ZNF638: variants seen among roughly 807,000 people sequenced by gnomAD.
ZNF638 encodes CTCL tumor antigen se33-1.
Under a neutral mutation model 195.6 loss-of-function variants are expected in ZNF638, and 46 were observed. That is an observed-to-expected ratio of 0.24 (90% CI 0.19 to 0.30). ZNF638 has a LOEUF of 0.30. Ranked by LOEUF, ZNF638 falls within the 10% of genes least tolerant of loss-of-function variation. ZNF638 has a pLI of 1.00. For missense variants in ZNF638, 2,440 were observed against 2,325.3 expected, an observed-to-expected ratio of 1.05 and a Z score of -1.01; for synonymous variants, 845 against 772.0, an observed-to-expected ratio of 1.09 and a Z score of -1.57.
Position 71,406,200 on chromosome 2 carries a change from C to T in ZNF638, c.3073C>T (p.Leu1025Phe), listed in dbSNP as rs1421901156. Residue 1025 changes from leucine (L) to phenylalanine (F), a missense_variant, in exon 19 of 28, where the codon CTT (leucine) becomes TTT (phenylalanine). By Grantham distance (22) the Leu-to-Phe change is conservative. Coordinates refer to ENST00000264447, the MANE Select transcript of ZNF638 (RefSeq NM_014497.5). ...ACCGGAAGATGGACTTCAGTGTGTA[C>T]TTTGTGTTGGACTTCAGTTTGGAAA... ...NLPEDGLQCV[L>F]CVGLQFGKVD... is the part of the protein sequence containing the mutation. 6.2e-7 allele frequency: 1 copy of T among 1,613,500 alleles called. No homozygotes were observed. Among genetic ancestry groups the T allele is most frequent in the South Asian group, 1.1e-5 (1 of 91,070 alleles).
rs915847089 is a variant in ZNF638 at position 71,423,670 on chromosome 2, G to C, written c.4156G>C (p.Asp1386His). The change falls in exon 22 of 28, where the codon GAT (aspartate) becomes CAT (histidine). Residue 1386 changes from aspartate (D) to histidine (H), a missense_variant. Around this residue, in one of 5 missense-constraint regions of ZNF638, gnomAD observed 1,883 missense variants for 1,739.1 expected, o/e 1.08. Transcript: ENST00000264447. ...TSKTSILAVS[D>H]VSSSKPSIKA... ...TAAAACTAGTATTCTGGCTGTATCA[G>C]ATGTATCTAGCAGTAAACCAAGCAT... The C allele has an allele frequency of 2.5e-6, 4 of 1,613,742 alleles. No individual in the cohort carries two copies. Among genetic ancestry groups the C allele is most frequent in the Non-Finnish European group, 3.4e-6 (4 of 1,180,012 alleles).
chr2:71,376,001 A>G (rs1053292617), intron 8 of ZNF638: 24 of 152,190 alleles, frequency 1.6e-4, no homozygotes, highest in African/African-American at 5.8e-4. Flanking sequence ...TTTCATTCTA[A>G]ACAGTTAACA....
At position 71,406,195 on chromosome 2, in the gene ZNF638, G is replaced by A. The variant is rs747817285; in HGVS notation, c.3068G>A (p.Cys1023Tyr). ...LDNLPEDGLQ[C>Y]VLCVGLQFGK... ...AATTTACCGGAAGATGGACTTCAGT[G>A]TGTACTTTGTGTTGGACTTCAGTTT... Residue 1023 changes from cysteine to tyrosine, a missense_variant, in exon 19 of 28, where the codon TGT (cysteine) becomes TAT (tyrosine). Cys to Tyr is a radical substitution (Grantham distance 194). This residue lies in a region of ZNF638 where 1,883 missense variants were observed against 1,739.1 expected (regional missense o/e 1.08). Transcript: ENST00000264447. 20 of 1,613,502 alleles carry A rather than the reference G, an allele frequency of 1.2e-5. No individual in the cohort carries two copies. The African/African-American group carries it at 2.7e-4, about 22-fold the overall frequency.
chr2:71,409,671 AAG>A (rs1340323815), intron 20 of ZNF638, among the ~76,000 whole-genome samples: 1 of 152,168 alleles, frequency 6.6e-6, no homozygotes, highest in African/African-American at 2.4e-5. Context: ...ATCTTGTTGA[AAG>A]GGGGAAAAAT....
chr2:71,377,708 T>A (rs1175624014), intron 8 of ZNF638, among the ~76,000 whole-genome samples: 1 of 152,186 alleles, frequency 6.6e-6, no homozygotes, highest in African/African-American at 2.4e-5. Flanking sequence ...GAAAAATGAT[T>A]AGAGGAAAGG....
intron 10 of ZNF638, among the ~76,000 whole-genome samples, chr2:71,389,308 A>G (rs1256961222): frequency 6.6e-6 from 1 of 152,242 alleles, no homozygotes; most frequent in Non-Finnish European, 1.5e-5. Flanking sequence ...CAAGATCAGC[A>G]AGGTACTCAG....
At chr2:71,428,420 C>T (rs2080584079) in intron 24 of ZNF638, 127 bp from the exon 25 acceptor site, 1 of 609,834 alleles carries the variant, frequency 1.6e-6, no homozygotes, top group African/African-American at 1.9e-5. Context: ...TAGCAGTAGG[C>T]TTCCCTCCCA....
intron 2 of ZNF638, among the ~76,000 whole-genome samples, chr2:71,351,518 TTGTC>T (rs1184219465): frequency 1.3e-5 from 2 of 152,222 alleles, no homozygotes; most frequent in Admixed American, 1.3e-4. Context: ...AATTGAGTGT[TTGTC>T]TGTATTCTTG....
At chr2:71,390,923 C>T (rs1221669239) in intron 10 of ZNF638, among the ~76,000 whole-genome samples, 4 of 152,148 alleles carry the variant, frequency 2.6e-5, no homozygotes, top group African/African-American at 4.8e-5. Context: ...GGGACGGGAC[C>T]GATTAGCCCA....
rs1466168238 is a variant in ZNF638 at position 71,342,957 on chromosome 2, AC to A, written c.-202-5795del. On this transcript the variant is annotated intron_variant, in intron 1 of 27. Transcript: ENST00000264447. The stretch of plus-strand genomic sequence containing the variant: ...TAATTTACTTTTTATCATTTCCAGT[AC>A]AACTGTCTTACAGTATTTTATCCAA... Among the ~76,000 whole-genome samples the A allele has an allele frequency of 5.3e-5, 8 of 152,312 alleles. No individual in the cohort carries two copies. In the East Asian group the frequency reaches 1.5e-3, roughly 29 times the overall value.
intron 1 of ZNF638, among the ~76,000 whole-genome samples, chr2:71,332,495 G>A (rs2078590416): frequency 6.6e-6 from 1 of 152,204 alleles, no homozygotes; most frequent in South Asian, 2.1e-4. Context: ...CGTAGTGCAG[G>A]TATGAAACCA....
chr2:71,365,974 T>C lies in ZNF638; in HGVS notation c.1995+268T>C, dbSNP rs931974815. ...GTTCAGGCAGTCCTTCCACGTCAGC[T>C]TCCCTAAGTGCATGAGCCACTATGC... On this transcript the variant is annotated intron_variant, in intron 6 of 27. Coordinates refer to ENST00000264447, the MANE Select transcript of ZNF638 (RefSeq NM_014497.5). Among the ~76,000 whole-genome samples, 4 of 152,206 alleles carry C rather than the reference T, an allele frequency of 2.6e-5. No homozygotes were observed. The East Asian group carries it at 7.7e-4, about 29-fold the overall frequency.
chr2:71,393,984 C>G (rs2079842028), intron 10 of ZNF638, among the ~76,000 whole-genome samples: 1 of 152,204 alleles, frequency 6.6e-6, no homozygotes, highest in Non-Finnish European at 1.5e-5. Flanking sequence ...CATTCTTGTG[C>G]CAGTAGCCTC....
chr2:71,427,323 G>A lies in ZNF638; in HGVS notation c.5454G>A (p.Lys1818=), dbSNP rs777671713. 10 of 1,609,882 alleles carry A rather than the reference G, an allele frequency of 6.2e-6. No individual in the cohort carries two copies. In the East Asian group the frequency reaches 1.8e-4, roughly 29 times the overall value. The change falls in exon 24 of 28, where the codon AAG becomes AAA. Residue 1818 remains lysine, a synonymous_variant. Coordinates refer to ENST00000264447, the MANE Select transcript of ZNF638 (RefSeq NM_014497.5). ...NRKKRAVDTK[K]TKLESLSQVG... is the part of the protein sequence containing the mutation. ...AGAAGAGAGCTGTGGACACAAAAAA[G>A]ACAAAACTTGAATCCTTGTCCCAAG...
chr2:71,392,992 G>A (rs889968921), intron 10 of ZNF638, among the ~76,000 whole-genome samples: 1 of 152,118 alleles, frequency 6.6e-6, no homozygotes, highest in African/African-American at 2.4e-5. Context: ...TGCGTTTATG[G>A]GGTGGCCCAC....
intron 11 of ZNF638, among the ~76,000 whole-genome samples, chr2:71,397,517 G>A (rs1290040676): frequency 2.0e-5 from 3 of 152,122 alleles, no homozygotes; most frequent in African/African-American, 4.8e-5. Context: ...ATTTTTAAAA[G>A]TATGATTGTA....
chr2:71,363,595 A>G (rs2079145531), intron 4 of ZNF638, among the ~76,000 whole-genome samples: 1 of 152,232 alleles, frequency 6.6e-6, no homozygotes, highest in South Asian at 2.1e-4. Flanking sequence ...AAAATTATTG[A>G]AAACATCTGT....
chr2:71,365,584 G>A lies in ZNF638; in HGVS notation c.1873G>A (p.Ala625Thr), dbSNP rs202139397. 75 of 1,614,000 alleles carry A rather than the reference G, an allele frequency of 4.6e-5. No individual in the cohort carries two copies. The highest frequency in any genetic ancestry group is 6.7e-5 in the East Asian group (3 of 44,890). Reference sequence around the variant, plus strand: ...AAAACCATCAGTTAAACCTACAAGCGCTACAAAGAGTGATTCAAATCTAGG... The same window carrying A: ...AAAACCATCAGTTAAACCTACAAGCACTACAAAGAGTGATTCAAATCTAGG... ...GTKPSVKPTSATKSDSNLGGH... is the reference protein window; with the variant it reads ...GTKPSVKPTSTTKSDSNLGGH... Residue 625 changes from alanine to threonine, a missense_variant, in exon 6 of 28, where the codon GCT (alanine) becomes ACT (threonine). This residue lies in a region of ZNF638 where 1,883 missense variants were observed against 1,739.1 expected (regional missense o/e 1.08). Transcript: ENST00000264447.
rs140134378 is a variant in ZNF638 at position 71,371,929 on chromosome 2, T to G, written c.2265+1924T>G. Among the ~76,000 whole-genome samples, 1,433 of 152,312 alleles carry G rather than the reference T, an allele frequency of 9.4e-3. 11 individuals are homozygous for G. The highest frequency in any genetic ancestry group is 0.024 in the South Asian group (118 of 4,822). On this transcript the variant is annotated intron_variant, in intron 8 of 27. Transcript: ENST00000264447. ...TTGAAGTGGTCCCATTTGTTCATTT[T>G]TGTACAGCATTTGCCTGTGTTTGTG...
Sources: allele counts gnomAD v4.1 joint callset (sites outside exome capture counted in the v4.1 genomes callset), GRCh38; gene constraint gnomAD v4.1.1; regional missense constraint gnomAD v4.1.1; transcripts MANE v1.5; gene names NCBI Gene and HGNC (gene_info 2026-07-23, HGNC 2026-07-21).